CAMSAP1: variants seen among roughly 807,000 people sequenced by gnomAD.
CAMSAP1 encodes the protein calmodulin-regulated spectrin-associated protein 1.
In CAMSAP1, 58 loss-of-function variants were observed where a neutral mutation model predicts 143.5. That is an observed-to-expected ratio of 0.40 (90% CI 0.33 to 0.50). The LOEUF (loss-of-function observed/expected upper bound fraction) is 0.50, where lower values mean the gene tolerates loss of function less well. Among genes scored for constraint, CAMSAP1 ranks in the 20% least tolerant of loss-of-function variants. CAMSAP1 has a pLI of 0.45. For missense variants in CAMSAP1, 1,969 were observed against 2,115.7 expected, an observed-to-expected ratio of 0.93 and a Z score of 1.36; for synonymous variants, 945 against 859.3, an observed-to-expected ratio of 1.10 and a Z score of -1.74.
intron 1 of CAMSAP1, among the ~76,000 whole-genome samples, chr9:135,891,865 C>T (rs550313518): frequency 3.3e-5 from 5 of 152,054 alleles, no homozygotes; most frequent in Non-Finnish European, 5.9e-5. Context: ...AAAACTAGAA[C>T]GAAAATTTCA....
chr9:135,814,045 G>C (rs111945528), intron 16 of CAMSAP1, among the ~76,000 whole-genome samples: 1 of 152,198 alleles, frequency 6.6e-6, no homozygotes, highest in Non-Finnish European at 1.5e-5. Context: ...AGGGCCACGA[G>C]TCCTTCCAGT....
At chr9:135,849,844 T>C (rs987982524) in intron 7 of CAMSAP1, 1 of 250,146 alleles carries the variant, frequency 4.0e-6, no homozygotes, top group Admixed American at 5.0e-5. Flanking sequence ...ATTATTTTAA[T>C]CTGTAGTAAA....
intron 1 of CAMSAP1, among the ~76,000 whole-genome samples, chr9:135,888,533 G>A (rs1199939009): frequency 6.6e-6 from 1 of 152,176 alleles, no homozygotes; most frequent in Non-Finnish European, 1.5e-5. Context: ...CCAGAGACGT[G>A]CAGGACAGTG....
chr9:135,819,672 TAAAAAAA>T (rs55894826), intron 11 of CAMSAP1, among the ~76,000 whole-genome samples: 71 of 104,630 alleles, frequency 6.8e-4, no homozygotes, highest in East Asian at 1.4e-3. Flanking sequence ...TGTCTCCACT[TAAAAAAA>T]AAAAAAAAAA....
intron 1 of CAMSAP1, among the ~76,000 whole-genome samples, chr9:135,897,445 C>T (rs1263772931): frequency 2.0e-5 from 3 of 152,146 alleles, no homozygotes; most frequent in Non-Finnish European, 4.4e-5. Flanking sequence ...TGAACCACCA[C>T]GCCTGGCCCT....
chr9:135,849,211 G>A (rs904620903), intron 7 of CAMSAP1, among the ~76,000 whole-genome samples: 4 of 152,138 alleles, frequency 2.6e-5, no homozygotes, highest in East Asian at 1.9e-4. Context: ...GCCTACAGCC[G>A]GGCGAAATCT....
intron 7 of CAMSAP1, among the ~76,000 whole-genome samples, chr9:135,840,918 C>T (rs1836320209): frequency 6.6e-6 from 1 of 152,166 alleles, no homozygotes; most frequent in African/African-American, 2.4e-5. Context: ...CAAAACTGGG[C>T]GACCATTTGG....
chr9:135,826,026 G>A lies in CAMSAP1; in HGVS notation c.1224-1146C>T, dbSNP rs1402125608. On this transcript the variant is annotated intron_variant, in intron 8 of 16. Transcript: ENST00000389532. This position sits in a 1 kb window ranked among gnomAD's most constrained non-coding sequence, Gnocchi z 4.4. The stretch of plus-strand genomic sequence containing the variant: ...GCAAACCCTGCAGCCTGGACACCGT[G>A]GGGACAGTGGACCCATCACGGCACG... The A allele has an allele frequency of 6.6e-6, 1 of 152,312 alleles. No individual in the cohort carries two copies. The highest frequency in any genetic ancestry group is 1.5e-5 in the Non-Finnish European group (1 of 68,112). The allele number at this position is 152,312 out of a possible 1,614,324, so 9.4% of individuals were successfully genotyped here.
chr9:135,870,479 C>T (rs945913860), intron 3 of CAMSAP1, among the ~76,000 whole-genome samples: 2 of 152,112 alleles, frequency 1.3e-5, no homozygotes, highest in Admixed American at 1.3e-4. Context: ...ATTAATACAA[C>T]ACCCTTATGA....
At chr9:135,881,515 AC>A in intron 3 of CAMSAP1, 117 bp downstream of exon 3, 1 of 1,165,886 alleles carries the variant, frequency 8.6e-7, no homozygotes, top group Non-Finnish European at 1.2e-6. Context: ...ACAAAATATG[AC>A]TGGTCCCAAA....
In CAMSAP1 at chr9:135,867,475, C is replaced by CCCCT. The variant is rs1491489651; in HGVS notation, c.586-940_586-939insAGGG. On this transcript the variant is annotated intron_variant, in intron 3 of 16. Transcript: ENST00000389532. The stretch of plus-strand genomic sequence containing the variant: ...GCCTAGGCAACACAGCAAGACCCCC[C>CCCCT]TCTTTTTTTTTTTTAAAAAAAAAGT... Among the ~76,000 whole-genome samples the CCCCT allele has an allele frequency of 1.4e-3, 197 of 145,342 alleles. 3 individuals carry two copies. Among genetic ancestry groups the CCCCT allele is most frequent in the Middle Eastern group, 0.011 (3 of 282 alleles).
rs1192060196 is a variant in CAMSAP1 at position 135,822,674 on chromosome 9, CG to C, written c.1986del (p.Ile662MetfsTer43). ...GACAGTGGTCCTGTCTCGGTGGGGT[CG>C]ATGCCCATGGGGAATTCTGAGCATG... Reference protein sequence around the residue: ...PIPCSEFPMGIDPTETGPLSV... With the variant: ...PIPCSEFPMGXDPTETGPLSV... On this transcript the variant is annotated frameshift_variant, in exon 11 of 17. Coordinates refer to ENST00000389532, the MANE Select transcript of CAMSAP1 (RefSeq NM_015447.4). LOFTEE classifies it high-confidence loss of function. The surrounding 1 kb of genome is among the most constrained non-coding windows in gnomAD (Gnocchi z 6.1). 1 of 1,607,652 alleles carries C rather than the reference CG, an allele frequency of 6.2e-7. No individual in the cohort carries two copies. Among genetic ancestry groups the C allele is most frequent in the Non-Finnish European group, 8.5e-7 (1 of 1,176,436 alleles).
intron 1 of CAMSAP1, 105 bp downstream of exon 1, chr9:135,906,895 C>A (rs1838798704): frequency 2.9e-6 from 2 of 691,080 alleles, no homozygotes; most frequent in East Asian, 1.3e-4. Flanking sequence ...GCGGACGCGG[C>A]ACAAAGGCGC....
chr9:135,814,985 C>T lies in CAMSAP1; in HGVS notation c.4506+112G>A, dbSNP rs866775161. ...CCTCTTCCTTGAAATCTGCATTCTC[C>T]CTAGTAACTCTCATGCATCAAAGAT... On this transcript the variant is annotated intron_variant, in intron 16 of 16. Coordinates refer to ENST00000389532, the MANE Select transcript of CAMSAP1 (RefSeq NM_015447.4). 8.9e-6 allele frequency: 7 copies of T among 786,940 alleles called. No individual in the cohort carries two copies. In the Middle Eastern group the frequency reaches 1.7e-3, roughly 192 times the overall value. The allele number at this position is 786,940 out of a possible 1,614,324, so 48.7% of individuals were successfully genotyped here.
intron 3 of CAMSAP1, among the ~76,000 whole-genome samples, chr9:135,869,716 A>C (rs1837506401): frequency 6.6e-6 from 1 of 152,226 alleles, no homozygotes; most frequent in South Asian, 2.1e-4. Flanking sequence ...ACATGTATTC[A>C]CACAGGAAAC....
intron 3 of CAMSAP1, among the ~76,000 whole-genome samples, chr9:135,872,773 CATA>C (rs1837612565): frequency 6.6e-6 from 1 of 152,188 alleles, no homozygotes; most frequent in Admixed American, 6.5e-5. Context: ...AGCAACATCT[CATA>C]ATGACAAAAG....
chr9:135,892,900 G>C (rs886846967), intron 1 of CAMSAP1, among the ~76,000 whole-genome samples: 6 of 138,134 alleles, frequency 4.3e-5, no homozygotes, highest in Non-Finnish European at 6.2e-5. Flanking sequence ...TGGGCACAGT[G>C]GCTCACATCT....
intron 5 of CAMSAP1, among the ~76,000 whole-genome samples, chr9:135,853,809 C>T (rs1314443689): frequency 1.3e-5 from 2 of 152,190 alleles, no homozygotes; most frequent in Non-Finnish European, 2.9e-5. Context: ...TTCTCCTGGG[C>T]CTTCAATGGA....
At chr9:135,867,142 T>C (rs1176201649) in intron 3 of CAMSAP1, among the ~76,000 whole-genome samples, 2 of 152,072 alleles carry the variant, frequency 1.3e-5, no homozygotes, top group South Asian at 2.1e-4. Flanking sequence ...GTAAAAGCCA[T>C]GATCAGACAA....
Sources: gnomAD v4.1 joint callset for allele counts (sites outside exome capture counted in the v4.1 genomes callset) on GRCh38, gnomAD v4.1.1 for gene constraint, Gnocchi (gnomAD v3.1) non-coding constraint, MANE v1.5 for transcripts, NCBI Gene and HGNC (gene_info 2026-07-23, HGNC 2026-07-21) for gene names.